Variants in GNAS observed in about 807,000 individuals in gnomAD.
GNAS encodes the protein GNAS complex locus, also known as protein ALEX.
GNAS carries 8 observed loss-of-function variants against 54.5 expected under a neutral mutation model. The ratio of observed to expected loss-of-function variants is 0.15; its 90% CI spans 0.09 to 0.26. The LOEUF is 0.26. Ranked by LOEUF, GNAS falls within the 10% of genes least tolerant of loss-of-function variation. The pLI is 1.00. For missense variants in GNAS, 170 were observed against 529.8 expected, an observed-to-expected ratio of 0.32 and a Z score of 6.67; for synonymous variants, 204 against 191.4, an observed-to-expected ratio of 1.07 and a Z score of -0.54.
chr20:58,887,574 G>C (rs909827451), upstream of GNAS, among the ~76,000 whole-genome samples: 7 of 152,120 alleles, frequency 4.6e-5, no homozygotes, highest in African/African-American at 1.7e-4. Context: ...TGCATCTTTG[G>C]TTAGGTGAAA....
At chr20:58,891,991 C>T (rs1386727760) in intron 1 of GNAS, 126 bp downstream of exon 1, 13 of 760,576 alleles carry the variant, frequency 1.7e-5, no homozygotes, top group East Asian at 1.3e-4. Flanking sequence ...CGTTCGCGGG[C>T]TCTGTCTGTG....
intron 1 of GNAS, among the ~76,000 whole-genome samples, chr20:58,859,612 G>A (rs1226698322): frequency 6.6e-6 from 1 of 150,476 alleles, no homozygotes; most frequent in East Asian, 2.0e-4. Flanking sequence ...AAAGCTCAGA[G>A]ATTAAATATC....
intron 1 of GNAS, among the ~76,000 whole-genome samples, chr20:58,872,521 G>C (rs2087536590): frequency 1.3e-5 from 2 of 152,130 alleles, no homozygotes; most frequent in Non-Finnish European, 2.9e-5. Flanking sequence ...CAGACCCACT[G>C]TAGGCATTGT....
At chr20:58,878,385 G>A (rs2145769037) in intron 1 of GNAS, among the ~76,000 whole-genome samples, 1 of 152,314 alleles carries the variant, frequency 6.6e-6, no homozygotes, top group South Asian at 2.1e-4. Context: ...GGTTATTAAT[G>A]GGCAGCTGGT....
chr20:58,872,964 A>G (rs1399801176), intron 1 of GNAS, among the ~76,000 whole-genome samples: 1 of 152,240 alleles, frequency 6.6e-6, no homozygotes, highest in Non-Finnish European at 1.5e-5. Context: ...GTAAAGCACA[A>G]CCACAAAGGC....
In GNAS at chr20:58,891,801, G is replaced by A. The variant is rs1326256762; in HGVS notation, c.75G>A (p.Lys25=). 2.9e-5 allele frequency: 38 copies of A among 1,289,032 alleles called. No individual in the cohort carries two copies. Among genetic ancestry groups the A allele is most frequent in the Non-Finnish European group, 3.7e-5 (36 of 978,444 alleles). The allele number at this position is 1,289,032 out of a possible 1,614,324, so 79.8% of individuals were successfully genotyped here. A position where few individuals can be genotyped will look rare whatever the true frequency, so the allele number is the denominator to read the frequency against. Residue 25 remains lysine (K), a synonymous_variant, in exon 1 of 13, where the codon AAG becomes AAA. Coordinates refer to ENST00000371085, the MANE Select transcript of GNAS (RefSeq NM_000516.7). ...AGGCGCAGCGTGAGGCCAACAAAAA[G>A]ATCGAGAAGCAGCTGCAGAAGGACA... The part of the protein sequence containing the change: ...EEKAQREANK[K]IEKQLQKDKQ...
At chr20:58,862,742 C>T (rs2086845026) in intron 1 of GNAS, among the ~76,000 whole-genome samples, 2 of 151,738 alleles carry the variant, frequency 1.3e-5, no homozygotes, top group East Asian at 3.9e-4. Context: ...TGCCACCTTG[C>T]CACATTTATA....
intron 1 of GNAS, among the ~76,000 whole-genome samples, chr20:58,847,589 T>C (rs1422321149): frequency 6.6e-6 from 1 of 152,216 alleles, no homozygotes; most frequent in African/African-American, 2.4e-5. Flanking sequence ...TTTTCCTCAA[T>C]TGAAAGAAAC....
At chr20:58,875,472 G>A (rs2087745129) in intron 1 of GNAS, among the ~76,000 whole-genome samples, 1 of 152,190 alleles carries the variant, frequency 6.6e-6, no homozygotes, top group Admixed American at 6.5e-5. Context: ...GGCATTGGGG[G>A]GAACAGGGGA....
intron 1 of GNAS, among the ~76,000 whole-genome samples, chr20:58,875,944 G>C (rs2087784662): frequency 6.6e-6 from 1 of 152,332 alleles, no homozygotes; most frequent in Admixed American, 6.5e-5. Context: ...TAAGCCAGCA[G>C]CAAAACAACC....
intron 3 of GNAS, chr20:58,900,332 G>A (rs2090491664): frequency 1.1e-5 from 3 of 269,646 alleles, no homozygotes; most frequent in Middle Eastern, 9.7e-4. Context: ...TGGCCTGCAC[G>A]TCTCTCTCAC....
At chr20:58,840,288 G>A, upstream of GNAS, 1 of 1,612,378 alleles carries the variant, frequency 6.2e-7, no homozygotes. The surrounding 1 kb of genome is among the most constrained non-coding windows in gnomAD (Gnocchi z 6.0). Context: ...GCCCAACAGC[G>A]CCGGAGCTTC....
chr20:58,841,534 C>T lies in GNAS; in HGVS notation c.43+648C>T, dbSNP rs1240694140. On this transcript the variant is annotated intron_variant, in intron 1 of 12. Transcript: ENST00000306090. This position sits in a 1 kb window ranked among gnomAD's most constrained non-coding sequence, Gnocchi z 5.0. ...CCTCCGCGCCAGTGCCTCCAGCTGC[C>T]GTGCGCCAGCCTTGGCCGCCACAGC... is the stretch of plus-strand genomic sequence containing the variant. 6.0e-6 allele frequency: 6 copies of T among 994,894 alleles called. No homozygotes were observed. Among genetic ancestry groups the T allele is most frequent in the African/African-American group, 1.7e-5 (1 of 57,610 alleles). The allele number at this position is 994,894 out of a possible 1,614,324, so 61.6% of individuals were successfully genotyped here. A position where few individuals can be genotyped will look rare whatever the true frequency, so the allele number is the denominator to read the frequency against.
chr20:58,907,796 C>CA lies in GNAS; in HGVS notation c.531-1365dup, dbSNP rs544969615. On this transcript the variant is annotated intron_variant, in intron 6 of 12. Transcript: ENST00000371085. Reference sequence around the variant, plus strand: ...CTCACCCGTGGCTCAAACAGCCCTGCATCTGCCGTGGCCGGCACGTTTCTG... The same window carrying CA: ...CTCACCCGTGGCTCAAACAGCCCTGCAATCTGCCGTGGCCGGCACGTTTCTG... Among the ~76,000 whole-genome samples the CA allele has an allele frequency of 8.3e-4, 127 of 152,380 alleles. 1 individual carries two copies. Among genetic ancestry groups the CA allele is most frequent in the African/African-American group, 2.8e-3 (116 of 41,584 alleles).
chr20:58,852,286 C>T (rs562853027), intron 1 of GNAS, among the ~76,000 whole-genome samples: 12 of 152,238 alleles, frequency 7.9e-5, no homozygotes, highest in East Asian at 5.8e-4. Flanking sequence ...AGTGCTTTAC[C>T]GGAGCCAACC....
chr20:58,848,234 C>T (rs2086010326), intron 1 of GNAS, among the ~76,000 whole-genome samples: 7 of 152,124 alleles, frequency 4.6e-5, no homozygotes, highest in Admixed American at 4.6e-4. Flanking sequence ...GTAAACCATC[C>T]CTGGGTTTCG....
At chr20:58,884,804 T>A (rs2088478883) in intron 1 of GNAS, 1 of 152,220 alleles carries the variant, frequency 6.6e-6, no homozygotes, top group African/African-American at 2.4e-5. Flanking sequence ...AATTAAGAGC[T>A]CCATTAAGTG....
chr20:58,907,796 C>T (rs1367706235), intron 6 of GNAS, among the ~76,000 whole-genome samples: 1 of 152,264 alleles, frequency 6.6e-6, no homozygotes, highest in Non-Finnish European at 1.5e-5. Flanking sequence ...AACAGCCCTG[C>T]ATCTGCCGTG....
chr20:58,855,272 C>T (rs1018717714), intron 1 of GNAS: 3 of 1,586,452 alleles, frequency 1.9e-6, no homozygotes, highest in East Asian at 2.3e-5. Context: ...GTAAGCTCAT[C>T]GACAAACAAC....
Sources: gnomAD v4.1 joint callset for allele counts (sites outside exome capture counted in the v4.1 genomes callset) on GRCh38, gnomAD v4.1.1 for gene constraint, Gnocchi (gnomAD v3.1) non-coding constraint, MANE v1.5 for transcripts, NCBI Gene and HGNC (gene_info 2026-07-23, HGNC 2026-07-21) for gene names.